PLCB1: variants seen among roughly 807,000 people sequenced by gnomAD.
The protein encoded by PLCB1 is phospholipase C beta 1, also known as 1-phosphatidylinositol 4,5-bisphosphate phosphodiesterase beta-1.
In PLCB1, 46 loss-of-function variants were observed where a neutral mutation model predicts 161.8. The ratio of observed to expected loss-of-function variants is 0.28; its 90% CI spans 0.22 to 0.36. PLCB1 has a LOEUF of 0.36. PLCB1 is among the 10% of genes least tolerant of loss of function. The pLI, the probability that PLCB1 is intolerant of heterozygous loss-of-function variation, is 1.00. For synonymous variants in PLCB1, 517 were observed against 503.7 expected, an observed-to-expected ratio of 1.03 and a Z score of -0.35; for missense variants, 1,016 against 1,472.5, an observed-to-expected ratio of 0.69 and a Z score of 5.07.
chr20:8,752,220 C>T (rs772694249), intron 23 of PLCB1: 8 of 152,184 alleles, frequency 5.3e-5, no homozygotes, highest in South Asian at 4.1e-4. Context: ...ATAGAGTGGA[C>T]TGCTGTAATA....
chr20:8,520,765 C>A (rs1452160260), intron 3 of PLCB1, among the ~76,000 whole-genome samples: 1 of 152,118 alleles, frequency 6.6e-6, no homozygotes, highest in Non-Finnish European at 1.5e-5. Flanking sequence ...AGTATGTAGT[C>A]TTTGGGGTCT....
intron 3 of PLCB1, among the ~76,000 whole-genome samples, chr20:8,572,493 T>C (rs140314824): frequency 2.4e-4 from 36 of 152,356 alleles, no homozygotes; most frequent in African/African-American, 8.4e-4. Flanking sequence ...AAGCATGACT[T>C]TTCATAGATG....
At chr20:8,526,563 T>C (rs1253871260) in intron 3 of PLCB1, among the ~76,000 whole-genome samples, 3 of 152,116 alleles carry the variant, frequency 2.0e-5, no homozygotes, top group Non-Finnish European at 4.4e-5. Flanking sequence ...CATCGGCCTT[T>C]CCTGGTAATA....
intron 3 of PLCB1, among the ~76,000 whole-genome samples, chr20:8,453,994 CTG>C (rs775940602): frequency 2.0e-5 from 3 of 152,150 alleles, no homozygotes; most frequent in African/African-American, 4.8e-5. Flanking sequence ...CTCACTCACT[CTG>C]TGCACACACA....
At chr20:8,727,567 A>G (rs1284241647) in intron 17 of PLCB1, among the ~76,000 whole-genome samples, 174 bp downstream of exon 17, 1 of 152,072 alleles carries the variant, frequency 6.6e-6, no homozygotes, top group Non-Finnish European at 1.5e-5. Flanking sequence ...AGTCTGGCCT[A>G]TAGAACAAAA....
chr20:8,159,582 A>G (rs990634006), intron 2 of PLCB1, among the ~76,000 whole-genome samples: 8 of 152,160 alleles, frequency 5.3e-5, no homozygotes, highest in Admixed American at 3.9e-4. Context: ...TTCCTTTTCT[A>G]TTGCATTGTC....
intron 3 of PLCB1, among the ~76,000 whole-genome samples, chr20:8,611,737 G>A (rs1201513955): frequency 6.6e-6 from 1 of 152,120 alleles, no homozygotes; most frequent in Non-Finnish European, 1.5e-5. Flanking sequence ...TATTTCCAGT[G>A]GTAGTTTGAG....
intron 3 of PLCB1, among the ~76,000 whole-genome samples, chr20:8,544,869 A>C (rs1985474481): frequency 7.4e-6 from 1 of 136,024 alleles, no homozygotes; most frequent in African/African-American, 2.8e-5. Flanking sequence ...GAAATGTCTG[A>C]TTTGTAAAGA....
At chr20:8,345,846 T>C (rs1985985741) in intron 2 of PLCB1, among the ~76,000 whole-genome samples, 1 of 152,306 alleles carries the variant, frequency 6.6e-6, no homozygotes, top group East Asian at 1.9e-4. Flanking sequence ...AACTACATTC[T>C]TTTAATGATA....
chr20:8,861,504 G>C (rs1164942763), intron 31 of PLCB1, among the ~76,000 whole-genome samples: 1 of 152,176 alleles, frequency 6.6e-6, no homozygotes, highest in Non-Finnish European at 1.5e-5. Context: ...GGCCAAGGCA[G>C]GTGGATCACG....
intron 3 of PLCB1, among the ~76,000 whole-genome samples, chr20:8,602,778 GT>G (rs1987631383): frequency 1.3e-5 from 2 of 152,260 alleles, no homozygotes; most frequent in Non-Finnish European, 2.9e-5. Flanking sequence ...TTTAATTTCT[GT>G]GGCTTATGAA....
At chr20:8,613,515 C>T (rs1488050440) in intron 3 of PLCB1, among the ~76,000 whole-genome samples, 1 of 152,098 alleles carries the variant, frequency 6.6e-6, no homozygotes, top group African/African-American at 2.4e-5. Context: ...ATAGGTGGCT[C>T]CCTTCTGTGC....
chr20:8,518,982 A>G (rs545372616), intron 3 of PLCB1, among the ~76,000 whole-genome samples: 9 of 152,072 alleles, frequency 5.9e-5, no homozygotes, highest in Non-Finnish European at 1.3e-4. Context: ...GCTGGGGCCA[A>G]TCTGACAGGA....
chr20:8,181,677 A>G (rs11905102), intron 2 of PLCB1, among the ~76,000 whole-genome samples: 262 of 152,284 alleles, frequency 1.7e-3, no homozygotes, highest in African/African-American at 5.8e-3. Flanking sequence ...TACCATAGCT[A>G]TTAATAGCTA....
chr20:8,629,974 CTTTCT>C (rs750523161), intron 4 of PLCB1, among the ~76,000 whole-genome samples: 6 of 26,974 alleles, frequency 2.2e-4, no homozygotes, highest in African/African-American at 7.3e-4. Context: ...TTCTTTCTTT[CTTTCT>C]TTCTTTCTTT....
rs147191017 is a variant in PLCB1, at chr20:8,765,226, T to C, written c.2798T>C (p.Leu933Pro). 1 of 1,613,960 alleles carries C rather than the reference T, an allele frequency of 6.2e-7. No homozygotes were observed. The highest frequency in any genetic ancestry group is 1.3e-5 in the African/African-American group (1 of 75,054). Residue 933 changes from leucine to proline, a missense_variant, in exon 26 of 32, where the codon CTG (leucine) becomes CCG (proline). Around this residue, in one of 10 missense-constraint regions of PLCB1, gnomAD observed 398 missense variants for 445.4 expected, o/e 0.89. Coordinates refer to ENST00000338037, the MANE Select transcript of PLCB1 (RefSeq NM_015192.4). ...QKKHYKEMKD[L>P]VKRHHKKTTD... ...AAACACTACAAAGAAATGAAAGACC[T>C]GGTTAAGAGACACCACAAGAAAACC...
At chr20:8,303,635 G>T (rs1350072157) in intron 2 of PLCB1, among the ~76,000 whole-genome samples, 1 of 152,114 alleles carries the variant, frequency 6.6e-6, no homozygotes, top group Non-Finnish European at 1.5e-5. Flanking sequence ...CTTTGAAATG[G>T]CTTTTTATGT....
chr20:8,642,020 A>AT (rs1988971501), intron 4 of PLCB1, among the ~76,000 whole-genome samples: 1 of 152,182 alleles, frequency 6.6e-6, no homozygotes, highest in South Asian at 2.1e-4. Context: ...GCTTAAAGAC[A>AT]TTTGAATAAC....
At chr20:8,612,540 G>T (rs1418130881) in intron 3 of PLCB1, among the ~76,000 whole-genome samples, 1 of 152,168 alleles carries the variant, frequency 6.6e-6, no homozygotes, top group Non-Finnish European at 1.5e-5. Flanking sequence ...ATATTCCATA[G>T]GGATTAAATG....
Sources: gnomAD v4.1 joint callset for allele counts (sites outside exome capture counted in the v4.1 genomes callset) on GRCh38, gnomAD v4.1.1 for gene constraint, gnomAD v4.1.1 regional missense constraint, MANE v1.5 for transcripts, NCBI Gene and HGNC (gene_info 2026-07-23, HGNC 2026-07-21) for gene names.